Variants in LMO7 observed in about 807,000 individuals in gnomAD.
LMO7 encodes LIM domain only protein 7.
LMO7 carries 120 observed loss-of-function variants against 206.5 expected under a neutral mutation model. The observed-to-expected ratio is 0.58, with a 90% CI of 0.50 to 0.68. LMO7 has a LOEUF of 0.68. Among genes scored for constraint, LMO7 ranks in the 30% least tolerant of loss-of-function variants. The probability of loss-of-function intolerance (pLI) is 0.00; values close to 1 mark genes in which losing one functional copy is unlikely to be tolerated. For synonymous variants in LMO7, 706 were observed against 681.5 expected, an observed-to-expected ratio of 1.04 and a Z score of -0.56; for missense variants, 1,959 against 1,957.9, an observed-to-expected ratio of 1.00 and a Z score of -0.01.
intron 3 of LMO7, among the ~76,000 whole-genome samples, chr13:75,731,244 T>C (rs1363123601): frequency 1.3e-5 from 2 of 152,194 alleles, no homozygotes; most frequent in Non-Finnish European, 2.9e-5. Flanking sequence ...AAGTCTCCCA[T>C]TACTATTGTG....
chr13:75,810,395 G>C (rs2056210202), intron 11 of LMO7, among the ~76,000 whole-genome samples: 1 of 152,180 alleles, frequency 6.6e-6, no homozygotes, highest in African/African-American at 2.4e-5. Flanking sequence ...GCTACTAAAT[G>C]TAAAGCAGTA....
intron 27 of LMO7, among the ~76,000 whole-genome samples, chr13:75,852,300 A>G (rs1268657977): frequency 2.0e-5 from 3 of 152,226 alleles, no homozygotes; most frequent in Non-Finnish European, 4.4e-5. Flanking sequence ...GTACATATGG[A>G]TACAACGAAG....
chr13:75,718,501 G>T (rs2043746118), intron 2 of LMO7, among the ~76,000 whole-genome samples: 1 of 152,026 alleles, frequency 6.6e-6, no homozygotes, highest in South Asian at 2.1e-4. Flanking sequence ...GAACAGTTTT[G>T]GGTTCACAGA....
intron 3 of LMO7, among the ~76,000 whole-genome samples, chr13:75,750,528 T>C (rs543563099): frequency 6.6e-6 from 1 of 152,164 alleles, no homozygotes; most frequent in Non-Finnish European, 1.5e-5. Flanking sequence ...TAGCTAGGAC[T>C]ACAGGTGCAT....
intron 3 of LMO7, chr13:75,760,572 G>T (rs1423479668): frequency 5.2e-6 from 7 of 1,351,304 alleles, no homozygotes; most frequent in African/African-American, 1.5e-5. Context: ...GAGGCTTGCC[G>T]TGCAAAGCTG....
At chr13:75,801,915 T>G (rs960476319) in intron 7 of LMO7, among the ~76,000 whole-genome samples, 1 of 152,140 alleles carries the variant, frequency 6.6e-6, no homozygotes, top group African/African-American at 2.4e-5. Context: ...AATTCCACCA[T>G]GATGTTTTAC....
At chr13:75,745,421 CAAT>C (rs1387705085) in intron 3 of LMO7, among the ~76,000 whole-genome samples, 2 of 151,944 alleles carry the variant, frequency 1.3e-5, no homozygotes, top group African/African-American at 4.8e-5. Context: ...AGTTTTATCT[CAAT>C]AAAACTGTTA....
At position 75,795,085 on chromosome 13, in the gene LMO7, C is replaced by G. The variant is rs181510034; in HGVS notation, c.318-316C>G. Among the ~76,000 whole-genome samples, 360 of 151,620 alleles carry G rather than the reference C, an allele frequency of 2.4e-3. 2 individuals are homozygous for G. The highest frequency in any genetic ancestry group is 4.2e-3 in the Non-Finnish European group (283 of 67,908). On this transcript the variant is annotated intron_variant, in intron 4 of 30. Coordinates refer to ENST00000377534, the MANE Select transcript of LMO7 (RefSeq NM_001306080.2). ...TTAAACCTTGTTTAAGAAGGAAATA[C>G]AAAAAATGCACATAATGTATTTAAA...
chr13:75,745,600 G>T (rs373215642), intron 3 of LMO7, among the ~76,000 whole-genome samples: 3 of 152,146 alleles, frequency 2.0e-5, no homozygotes, highest in African/African-American at 7.2e-5. Context: ...TCATTATTCC[G>T]GGTGTGTTTG....
intron 3 of LMO7, among the ~76,000 whole-genome samples, chr13:75,759,804 C>A (rs1345864012): frequency 6.6e-6 from 1 of 152,018 alleles, no homozygotes; most frequent in African/African-American, 2.4e-5. Flanking sequence ...GCCACTTTAT[C>A]TTAGGAAAAG....
upstream of LMO7, among the ~76,000 whole-genome samples, chr13:75,633,051 G>T (rs1202365035): frequency 6.6e-6 from 1 of 151,592 alleles, no homozygotes; most frequent in Non-Finnish European, 1.5e-5. Context: ...TTTTAGTAGA[G>T]ACCGGGTTTC....
At chr13:75,673,033 T>C (rs886896723) in intron 1 of LMO7, among the ~76,000 whole-genome samples, 1 of 152,238 alleles carries the variant, frequency 6.6e-6, no homozygotes, top group Non-Finnish European at 1.5e-5. Flanking sequence ...CAAAAATTTT[T>C]CTCATTCCTA....
At chr13:75,742,165 C>T (rs992624931) in intron 3 of LMO7, among the ~76,000 whole-genome samples, 3 of 152,080 alleles carry the variant, frequency 2.0e-5, no homozygotes, top group African/African-American at 7.2e-5. Context: ...ATACAGCTAA[C>T]CAGGGACGTG....
At chr13:75,780,196 G>A (rs936171934) in intron 4 of LMO7, among the ~76,000 whole-genome samples, 8 of 152,228 alleles carry the variant, frequency 5.3e-5, no homozygotes, top group Middle Eastern at 3.4e-3. Context: ...CAGGAAACAG[G>A]GTTCAAGAGC....
intron 1 of LMO7, among the ~76,000 whole-genome samples, chr13:75,703,720 G>GTA (rs2042445656): frequency 1.3e-5 from 2 of 148,618 alleles, no homozygotes; most frequent in African/African-American, 5.0e-5. Context: ...TTCTTTGTGT[G>GTA]TGTGTGTGTG....
chr13:75,728,150 T>G (rs573018079), intron 3 of LMO7, among the ~76,000 whole-genome samples: 222 of 152,252 alleles, frequency 1.5e-3, no homozygotes, highest in African/African-American at 5.0e-3. Context: ...GTAATGGGAT[T>G]GCTGGGTCAA....
chr13:75,683,635 A>G (rs2040740292), intron 1 of LMO7, among the ~76,000 whole-genome samples: 3 of 152,176 alleles, frequency 2.0e-5, no homozygotes, highest in Admixed American at 2.0e-4. Context: ...GGTCTCAATC[A>G]ATTTAGGAAG....
intron 1 of LMO7, among the ~76,000 whole-genome samples, chr13:75,649,202 T>A (rs1046447884): frequency 3.3e-5 from 5 of 152,180 alleles, no homozygotes; most frequent in African/African-American, 9.7e-5. Context: ...TTTGATTTTT[T>A]AAAAATGTCC....
intron 4 of LMO7, among the ~76,000 whole-genome samples, chr13:75,775,998 C>T (rs965490708): frequency 9.3e-5 from 14 of 149,966 alleles, no homozygotes; most frequent in Non-Finnish European, 1.5e-4. Flanking sequence ...AAAAAGATAC[C>T]TGCAGTCATG....
Sources: allele counts gnomAD v4.1 joint callset (sites outside exome capture counted in the v4.1 genomes callset), GRCh38; gene constraint gnomAD v4.1.1; transcripts MANE v1.5; gene names NCBI Gene and HGNC (gene_info 2026-07-23, HGNC 2026-07-21).